Variants in DAB1 observed in about 807,000 individuals in gnomAD.
DAB1 encodes the protein disabled homolog 1.
In DAB1, 15 loss-of-function variants were observed where a neutral mutation model predicts 64.6. That is an observed-to-expected ratio of 0.23 (90% CI 0.16 to 0.36). The LOEUF (loss-of-function observed/expected upper bound fraction) is 0.36. Ranked by LOEUF, DAB1 falls within the 10% of genes least tolerant of loss-of-function variation. The pLI, the probability that DAB1 is intolerant of heterozygous loss-of-function variation, is 1.00. For synonymous variants in DAB1, 235 were observed against 251.9 expected, an observed-to-expected ratio of 0.93 and a Z score of 0.64; for missense variants, 596 against 706.7, an observed-to-expected ratio of 0.84 and a Z score of 1.78.
At chr1:58,492,376 C>T (rs1050258436) in intron 3 of DAB1, among the ~76,000 whole-genome samples, 3 of 151,940 alleles carry the variant, frequency 2.0e-5, no homozygotes, top group African/African-American at 7.3e-5. Flanking sequence ...AGAGCAAACA[C>T]ATTCAAAAGC....
At chr1:58,389,375 C>T (rs544942855) in intron 3 of DAB1, among the ~76,000 whole-genome samples, 4 of 152,164 alleles carry the variant, frequency 2.6e-5, no homozygotes, top group Non-Finnish European at 4.4e-5. Flanking sequence ...GAGATCCAAG[C>T]TGCAGTAAGC....
intron 1 of DAB1, among the ~76,000 whole-genome samples, chr1:57,305,758 A>C (rs1298439909): frequency 6.6e-6 from 1 of 152,072 alleles, no homozygotes; most frequent in Non-Finnish European, 1.5e-5. Context: ...TCACGAGGTC[A>C]GGAGATCGAG....
chr1:58,123,456 G>A (rs1304186799), intron 5 of DAB1, among the ~76,000 whole-genome samples: 1 of 152,174 alleles, frequency 6.6e-6, no homozygotes, highest in East Asian at 1.9e-4. Context: ...GGGTTGGAGG[G>A]AGATGAATAA....
At chr1:57,063,010 C>G (rs1451516447) in intron 8 of DAB1, 67 bp from the exon 9 acceptor site, 1 of 1,433,550 alleles carries the variant, frequency 7.0e-7, no homozygotes, top group Admixed American at 1.7e-5. Context: ...AACAAAGCAA[C>G]CAGACTTCAA....
chr1:58,069,207 G>A (rs377061773), intron 5 of DAB1, among the ~76,000 whole-genome samples: 9 of 152,032 alleles, frequency 5.9e-5, no homozygotes, highest in Non-Finnish European at 1.0e-4. Flanking sequence ...TCCAACATGC[G>A]TTTGTTGAGC....
At chr1:57,141,751 C>T (rs953196342) in intron 3 of DAB1, among the ~76,000 whole-genome samples, 5 of 152,244 alleles carry the variant, frequency 3.3e-5, no homozygotes, top group South Asian at 2.1e-4. Flanking sequence ...CCACCGTCTC[C>T]GAAAGCTGAC....
intron 5 of DAB1, among the ~76,000 whole-genome samples, chr1:57,934,104 T>TGTGTGTGTGTGTGTGTGTG (rs1557563966): frequency 2.7e-5 from 4 of 149,618 alleles, no homozygotes; most frequent in African/African-American, 7.5e-5. Context: ...TGTGTGTGTG[T>TGTGTGTGTGTGTGTGTGTG]TTAGTAGAGA....
At chr1:57,329,316 C>T (rs952691476) in intron 1 of DAB1, among the ~76,000 whole-genome samples, 1 of 152,236 alleles carries the variant, frequency 6.6e-6, no homozygotes, top group Non-Finnish European at 1.5e-5. Context: ...CCCTTGAGAA[C>T]TCCGTACTGT....
At chr1:57,710,556 G>C (rs1647016097) in intron 6 of DAB1, among the ~76,000 whole-genome samples, 1 of 151,990 alleles carries the variant, frequency 6.6e-6, no homozygotes, top group Non-Finnish European at 1.5e-5. Flanking sequence ...TCCCAAAGTT[G>C]ACTTAAAACC....
chr1:58,460,068 G>T (rs1645228446), intron 3 of DAB1, among the ~76,000 whole-genome samples: 1 of 152,212 alleles, frequency 6.6e-6, no homozygotes, highest in African/African-American at 2.4e-5. Context: ...GAGTACTGAA[G>T]AATTTGTGGA....
At chr1:58,322,792 T>C (rs894800723) in intron 4 of DAB1, among the ~76,000 whole-genome samples, 5 of 152,172 alleles carry the variant, frequency 3.3e-5, no homozygotes, top group African/African-American at 7.2e-5. Context: ...CATGTACACG[T>C]ATGTTTATTG....
intron 5 of DAB1, among the ~76,000 whole-genome samples, chr1:57,939,249 C>T (rs932346681): frequency 2.0e-5 from 3 of 152,004 alleles, no homozygotes; most frequent in Non-Finnish European, 4.4e-5. Context: ...GGCACTAATC[C>T]CATTTGTGGA....
chr1:58,179,610 T>A (rs969337465), intron 4 of DAB1, among the ~76,000 whole-genome samples: 4 of 152,120 alleles, frequency 2.6e-5, no homozygotes, highest in African/African-American at 4.8e-5. Flanking sequence ...TTGTCTAAAT[T>A]TTTGGCATAA....
At chr1:58,479,834 G>A (rs867666223) in intron 3 of DAB1, among the ~76,000 whole-genome samples, 6 of 152,056 alleles carry the variant, frequency 3.9e-5, no homozygotes, top group South Asian at 2.1e-4. Context: ...GTAACTTCTC[G>A]AAGCCTATTT....
intron 7 of DAB1, among the ~76,000 whole-genome samples, chr1:57,550,720 G>A (rs1056879529): frequency 6.6e-6 from 1 of 152,082 alleles, no homozygotes; most frequent in Non-Finnish European, 1.5e-5. Context: ...AATTCCCTGA[G>A]TGCGTTACTT....
At chr1:58,229,761 G>T (rs76646909) in intron 4 of DAB1, among the ~76,000 whole-genome samples, 1 of 152,304 alleles carries the variant, frequency 6.6e-6, no homozygotes, top group Non-Finnish European at 1.5e-5. Flanking sequence ...AGATGTGAAA[G>T]CTGAGCCTCC....
At chr1:58,309,043 T>G (rs1169397478) in intron 4 of DAB1, among the ~76,000 whole-genome samples, 1 of 152,150 alleles carries the variant, frequency 6.6e-6, no homozygotes, top group East Asian at 1.9e-4. Context: ...GAGACTGGAA[T>G]TGAGCTGAAG....
At chr1:57,409,141 C>G (rs1683896619) in intron 1 of DAB1, among the ~76,000 whole-genome samples, 2 of 152,278 alleles carry the variant, frequency 1.3e-5, no homozygotes, top group African/African-American at 4.8e-5. Flanking sequence ...GCTTGTCCTC[C>G]AAAGGTTCCA....
chr1:57,181,068 C>T (rs1662873949), intron 2 of DAB1, among the ~76,000 whole-genome samples: 1 of 152,190 alleles, frequency 6.6e-6, no homozygotes, highest in South Asian at 2.1e-4. Context: ...TGCTCAAATG[C>T]CAAATGTCTG....
Sources: gnomAD v4.1 joint callset for allele counts (sites outside exome capture counted in the v4.1 genomes callset) on GRCh38, gnomAD v4.1.1 for gene constraint, MANE v1.5 for transcripts, NCBI Gene and HGNC (gene_info 2026-07-23, HGNC 2026-07-21) for gene names.